PLCB1: variants seen among roughly 807,000 people sequenced by gnomAD.
The protein encoded by PLCB1 is phospholipase C beta 1, also known as 1-phosphatidylinositol 4,5-bisphosphate phosphodiesterase beta-1.
A neutral mutation model predicts 161.8 loss-of-function variants in PLCB1; 46 were observed. The observed-to-expected ratio is 0.28, with a 90% CI of 0.22 to 0.36. PLCB1 has a LOEUF of 0.36. Ranked by LOEUF, PLCB1 falls within the 10% of genes least tolerant of loss-of-function variation. The pLI is 1.00. For missense variants in PLCB1, 1,016 were observed against 1,472.5 expected, an observed-to-expected ratio of 0.69 and a Z score of 5.07; for synonymous variants, 517 against 503.7, an observed-to-expected ratio of 1.03 and a Z score of -0.35.
intron 3 of PLCB1, among the ~76,000 whole-genome samples, chr20:8,553,711 T>G (rs1985849508): frequency 6.6e-6 from 1 of 152,092 alleles, no homozygotes; most frequent in African/African-American, 2.4e-5. Flanking sequence ...TTAATAAAAC[T>G]GCTGTTTAGC....
At chr20:8,379,699 TC>T (rs1987203148) in intron 3 of PLCB1, among the ~76,000 whole-genome samples, 1 of 152,222 alleles carries the variant, frequency 6.6e-6, no homozygotes, top group Non-Finnish European at 1.5e-5. Context: ...TCTCTAATGA[TC>T]AGTGATGTTG....
At chr20:8,769,429 A>G (rs1982553942) in intron 26 of PLCB1, among the ~76,000 whole-genome samples, 6 of 152,104 alleles carry the variant, frequency 3.9e-5, no homozygotes, top group Admixed American at 3.9e-4. Flanking sequence ...AGTGAAAAAA[A>G]GCCTTTTAAG....
rs75657098 is a variant in PLCB1, at chr20:8,609,408, C to G, written c.247-18886C>G. The stretch of plus-strand genomic sequence containing the variant: ...TGGATGAGGCAAGAATAGTGAGGTA[C>G]AGTTTAAGAGAGTTAAGAATTAAAA... On this transcript the variant is annotated intron_variant, in intron 3 of 31. Coordinates refer to ENST00000338037, the MANE Select transcript of PLCB1 (RefSeq NM_015192.4). Among the ~76,000 whole-genome samples the G allele has an allele frequency of 5.5e-3, 840 of 152,244 alleles. 8 individuals carry two copies. Among genetic ancestry groups the G allele is most frequent in the East Asian group, 0.043 (222 of 5,174 alleles).
At chr20:8,332,125 C>T (rs2662980) in intron 2 of PLCB1, among the ~76,000 whole-genome samples, 2,163 of 152,286 alleles carry the variant, frequency 0.014, 52 homozygotes, top group African/African-American at 0.048. Flanking sequence ...TTTGACCTTG[C>T]TCCCATCTTT....
At chr20:8,881,539 A>ATATC (rs1282258866) in intron 31 of PLCB1, 83 bp from the exon 32 acceptor site, 2 of 982,388 alleles carry the variant, frequency 2.0e-6, no homozygotes, top group Non-Finnish European at 3.2e-6. Context: ...CCCCTTTTGT[A>ATATC]TATCTCTTTC....
intron 19 of PLCB1, 86 bp downstream of exon 19, chr20:8,733,478 AT>A (rs1211362542): frequency 2.7e-6 from 3 of 1,130,102 alleles, no homozygotes; most frequent in African/African-American, 3.1e-5. Context: ...GTCATTAAAA[AT>A]TTAGTAACTA....
At chr20:8,363,919 G>A (rs779677512) in intron 2 of PLCB1, among the ~76,000 whole-genome samples, 2 of 152,176 alleles carry the variant, frequency 1.3e-5, no homozygotes, top group Non-Finnish European at 2.9e-5. Context: ...GATAATACAT[G>A]CAAATTTTGT....
chr20:8,826,831 T>C (rs1476972148), intron 31 of PLCB1, among the ~76,000 whole-genome samples: 1 of 152,216 alleles, frequency 6.6e-6, no homozygotes, highest in African/African-American at 2.4e-5. Flanking sequence ...GCTAAATGGT[T>C]GTTACCAAAG....
At chr20:8,603,496 G>A (rs771558551) in intron 3 of PLCB1, among the ~76,000 whole-genome samples, 10 of 152,184 alleles carry the variant, frequency 6.6e-5, no homozygotes, top group Non-Finnish European at 1.2e-4. Flanking sequence ...AAAGAGGAGG[G>A]AGCCTTCAAC....
chr20:8,523,551 G>GA (rs536181385), intron 3 of PLCB1, among the ~76,000 whole-genome samples: 1 of 132,852 alleles, frequency 7.5e-6, no homozygotes, highest in Non-Finnish European at 1.6e-5. Flanking sequence ...AAAGAAAAGA[G>GA]AAAAAAAGGA....
chr20:8,464,629 A>G (rs1174896867), intron 3 of PLCB1, among the ~76,000 whole-genome samples: 1 of 152,218 alleles, frequency 6.6e-6, no homozygotes, highest in African/African-American at 2.4e-5. Context: ...TTGTGGTACA[A>G]GTGCATAGTC....
chr20:8,814,453 A>C (rs1283667303), intron 31 of PLCB1, among the ~76,000 whole-genome samples: 2 of 152,176 alleles, frequency 1.3e-5, no homozygotes, highest in Non-Finnish European at 2.9e-5. Flanking sequence ...TCCTTTTAAC[A>C]TCTTTTCTCT....
At chr20:8,320,140 A>C (rs1984845642) in intron 2 of PLCB1, among the ~76,000 whole-genome samples, 1 of 152,082 alleles carries the variant, frequency 6.6e-6, no homozygotes, top group South Asian at 2.1e-4. Context: ...CTTTCTCACT[A>C]AGTATATGAT....
chr20:8,802,707 G>A (rs1984343690), intron 31 of PLCB1, among the ~76,000 whole-genome samples: 3 of 152,242 alleles, frequency 2.0e-5, no homozygotes, highest in Middle Eastern at 3.4e-3. Flanking sequence ...TAGAGTGAAT[G>A]GGGACAGCTT....
chr20:8,627,213 A>C (rs1013502691), intron 3 of PLCB1, among the ~76,000 whole-genome samples: 1 of 152,232 alleles, frequency 6.6e-6, no homozygotes, highest in Non-Finnish European at 1.5e-5. Flanking sequence ...TAAAGAGAGA[A>C]TTAATGGCAC....
At chr20:8,135,866 C>T (rs76555941) in intron 1 of PLCB1, among the ~76,000 whole-genome samples, 7,656 of 152,184 alleles carry the variant, frequency 0.05, 259 homozygotes, top group Non-Finnish European at 0.082. Context: ...TGGGAGAATT[C>T]TGGTGAGGTA....
At chr20:8,839,074 G>T (rs1262678606) in intron 31 of PLCB1, among the ~76,000 whole-genome samples, 1 of 152,166 alleles carries the variant, frequency 6.6e-6, no homozygotes, top group Non-Finnish European at 1.5e-5. Flanking sequence ...TTACATAGAT[G>T]ACATTATGCT....
At chr20:8,746,998 C>T (rs2123536037) in intron 23 of PLCB1, among the ~76,000 whole-genome samples, 1 of 152,252 alleles carries the variant, frequency 6.6e-6, no homozygotes, top group African/African-American at 2.4e-5. Flanking sequence ...CAAGCATCTC[C>T]ACCACACACA....
intron 4 of PLCB1, among the ~76,000 whole-genome samples, chr20:8,641,299 T>C (rs575724918): frequency 2.6e-5 from 4 of 152,206 alleles, no homozygotes; most frequent in Non-Finnish European, 4.4e-5. Flanking sequence ...GAATGGTTAT[T>C]GAAACTTATA....
Sources: gnomAD v4.1 joint callset for allele counts (sites outside exome capture counted in the v4.1 genomes callset) on GRCh38, gnomAD v4.1.1 for gene constraint, MANE v1.5 for transcripts, NCBI Gene and HGNC (gene_info 2026-07-23, HGNC 2026-07-21) for gene names.